The following CTSH variants were observed in gnomAD, a reference collection of about 807,000 sequenced individuals.
CTSH encodes the protein cathepsin H.
CTSH carries 52 observed loss-of-function variants against 56.3 expected under a neutral mutation model. That is an observed-to-expected ratio of 0.92 (90% CI 0.74 to 1.16). The LOEUF (loss-of-function observed/expected upper bound fraction) is 1.16, where lower values mean the gene tolerates loss of function less well. Among genes scored for constraint, CTSH ranks in the 50% most tolerant of loss-of-function variants. CTSH has a pLI of 0.00. For synonymous variants in CTSH, 174 were observed against 155.7 expected (o/e 1.12, Z -0.88); for missense variants, 406 against 424.5 (o/e 0.96, Z 0.38).
chr15:78,924,103 G>A lies in CTSH; in HGVS notation c.807-985C>T, dbSNP rs868624359. 1.5e-4 allele frequency among the ~76,000 whole-genome samples: 19 copies of A among 126,846 alleles called. 1 individual carries two copies. Among genetic ancestry groups the A allele is most frequent in the Non-Finnish European group, 2.1e-4 (13 of 60,582 alleles). 83.2% of individuals were successfully genotyped at this position (126,846 alleles called of 152,430 possible). ...GGGGGGGATCCAACCCAGCGGGGGG[G>A]GGGGGGAGGGTGGGCAGGGTGGGTC... On this transcript the variant is annotated intron_variant, in intron 10 of 11. Transcript: ENST00000220166.
At chr15:78,926,733 T>TGTG (rs1330481189) in intron 9 of CTSH, 1 of 152,252 alleles carries the variant, frequency 6.6e-6, no homozygotes, top group Non-Finnish European at 1.5e-5. Flanking sequence ...TTCCTAGCTC[T>TGTG]GTGGCCTTGG....
chr15:78,935,973 C>T (rs1446543959), intron 3 of CTSH, among the ~76,000 whole-genome samples: 1 of 152,008 alleles, frequency 6.6e-6, no homozygotes, highest in Non-Finnish European at 1.5e-5. Flanking sequence ...TATAGATGTC[C>T]GGGCCGTACT....
At chr15:78,938,382 T>A (rs1040951568) in intron 2 of CTSH, among the ~76,000 whole-genome samples, 21 of 149,378 alleles carry the variant, frequency 1.4e-4, no homozygotes, top group South Asian at 1.1e-3. Context: ...AAAAAAAAAA[T>A]ATTTTGTACT....
intron 1 of CTSH, among the ~76,000 whole-genome samples, chr15:78,941,064 A>T (rs2055276925): frequency 1.3e-5 from 2 of 152,218 alleles, no homozygotes; most frequent in African/African-American, 2.4e-5. Flanking sequence ...ATCCTAAGGG[A>T]ACATACATTT....
At chr15:78,931,758 G>C (rs2055065940) in intron 6 of CTSH, 10 of 1,412,598 alleles carry the variant, frequency 7.1e-6, no homozygotes, top group Non-Finnish European at 9.2e-6. Flanking sequence ...GGCAAGGGCT[G>C]TTGGGTCCAA....
chr15:78,942,915 T>G (rs752316127), intron 1 of CTSH, among the ~76,000 whole-genome samples: 1 of 152,168 alleles, frequency 6.6e-6, no homozygotes, highest in Non-Finnish European at 1.5e-5. Flanking sequence ...CAGAGACCAA[T>G]CTATGGCCGT....
chr15:78,935,260 G>A (rs999829312), intron 4 of CTSH, among the ~76,000 whole-genome samples, 178 bp from the exon 5 acceptor site: 1 of 152,172 alleles, frequency 6.6e-6, no homozygotes, highest in Admixed American at 6.5e-5. Context: ...ATGTCCCCTT[G>A]AGAGTCCAGA....
intron 7 of CTSH, 50 bp downstream of exon 7, chr15:78,931,401 G>A (rs376540440): frequency 3.2e-5 from 51 of 1,610,550 alleles, no homozygotes; most frequent in East Asian, 2.2e-4. Context: ...CTGTCGAAGC[G>A]GTCAGTGGGA....
chr15:78,937,641 T>C, intron 2 of CTSH: 1 of 1,398,562 alleles, frequency 7.2e-7, no homozygotes, highest in East Asian at 3.1e-5. Context: ...ACCATGCAGC[T>C]GCGTGAAAGT....
Position 78,923,262 on chromosome 15 carries a change from C to G in CTSH, c.807-144G>C, listed in dbSNP as rs544833489. On this transcript the variant is annotated intron_variant, in intron 10 of 11. Coordinates refer to ENST00000220166, the MANE Select transcript of CTSH (RefSeq NM_004390.5). ...GGCATGTAAGGTGGTGATGTAATCA[C>G]ATTTAGTCTCCGTGAGAGAACTCCT... 9.6e-6 allele frequency: 8 copies of G among 830,952 alleles called. No homozygotes were observed. In the South Asian group the frequency reaches 1.3e-4, roughly 13 times the overall value. 51.5% of individuals were successfully genotyped at this position (830,952 alleles called of 1,614,324 possible).
At chr15:78,923,166 G>A (rs2054814348) in intron 10 of CTSH, 48 bp from the exon 11 acceptor site, 3 of 1,606,638 alleles carry the variant, frequency 1.9e-6, no homozygotes, top group African/African-American at 2.7e-5. Flanking sequence ...AAGGATAAAA[G>A]CAATGACAGT....
At chr15:78,929,539 A>G in intron 7 of CTSH, 46 bp from the exon 8 acceptor site, 1 of 1,412,182 alleles carries the variant, frequency 7.1e-7, no homozygotes, top group Non-Finnish European at 9.8e-7. Flanking sequence ...CTGTCCTGAT[A>G]GAGGCGGGGC....
rs1458563075 is a variant in CTSH, at chr15:78,935,024, A to G, written c.359T>C (p.Val120Ala). The G allele has an allele frequency of 1.2e-6, 2 of 1,614,172 alleles. No homozygotes were observed. Among genetic ancestry groups the G allele is most frequent in the Non-Finnish European group, 1.7e-6 (2 of 1,180,012 alleles). The stretch of plus-strand genomic sequence containing the variant: ...AAAATTTCCTTTTTTCCGCCAGTCC[A>G]CGGAAGGTGGGTAGGGACCAGTACC... ...LRGTGPYPPS[V>A]DWRKKGNFVS... is the part of the protein sequence containing the mutation. Residue 120 changes from valine (V) to alanine (A), a missense_variant, in exon 5 of 12, where the codon GTG (valine) becomes GCG (alanine). By Grantham distance (64) the Val-to-Ala change is moderately conservative. Transcript: ENST00000220166.
chr15:78,937,254 C>A, intron 3 of CTSH, 64 bp downstream of exon 3: 4 of 1,376,780 alleles, frequency 2.9e-6, no homozygotes, highest in Non-Finnish European at 3.1e-6. Context: ...CCCCAGCGGG[C>A]CCTTTCATGG....
intron 11 of CTSH, 132 bp downstream of exon 11, chr15:78,922,861 C>CT: frequency 9.0e-7 from 1 of 1,106,428 alleles, no homozygotes; most frequent in Non-Finnish European, 1.3e-6. Flanking sequence ...CCCTTTCCCC[C>CT]TGGCCTGGCC....
chr15:78,936,430 T>TC, intron 3 of CTSH, among the ~76,000 whole-genome samples: 1 of 151,910 alleles, frequency 6.6e-6, no homozygotes, highest in African/African-American at 2.4e-5. Context: ...TTAGGGATTA[T>TC]AGGTGTGGGC....
intron 10 of CTSH, among the ~76,000 whole-genome samples, chr15:78,924,521 G>T (rs1037357014): frequency 2.0e-5 from 3 of 151,890 alleles, no homozygotes; most frequent in African/African-American, 7.3e-5. Flanking sequence ...GGGAAATGAG[G>T]CTGCAAACCA....
rs1447523460 is a variant in CTSH, at chr15:78,927,674, A to G, written c.699+39T>C. 4 of 1,594,012 alleles carry G rather than the reference A, an allele frequency of 2.5e-6. No homozygotes were observed. In the South Asian group the frequency reaches 3.3e-5, roughly 13 times the overall value. ...ACAGCATGAGAGAGGCCTCCTCATC[A>G]GGACACATTCCCCATCCCAGAGGGG... On this transcript the variant is annotated intron_variant, in intron 9 of 11. Transcript: ENST00000220166.
At chr15:78,928,162 G>A (rs954381842) in intron 8 of CTSH, among the ~76,000 whole-genome samples, 1 of 139,676 alleles carries the variant, frequency 7.2e-6, no homozygotes, top group African/African-American at 2.8e-5. Context: ...GGAGGGAAGC[G>A]CAGCCCTTTC....
Sources: allele counts gnomAD v4.1 joint callset (sites outside exome capture counted in the v4.1 genomes callset), GRCh38; gene constraint gnomAD v4.1.1; transcripts MANE v1.5; gene names NCBI Gene and HGNC (gene_info 2026-07-23, HGNC 2026-07-21).